The following NID2 variants were observed in gnomAD, a reference collection of about 807,000 sequenced individuals.
NID2 encodes nidogen 2, also known as nidogen-2.
In NID2, 83 loss-of-function variants were observed where a neutral mutation model predicts 145.4. The ratio of observed to expected loss-of-function variants is 0.57; its 90% CI spans 0.48 to 0.69. The LOEUF is 0.69. NID2 is among the 30% of genes least tolerant of loss of function. NID2 has a pLI of 0.00. For synonymous variants in NID2, 739 were observed against 701.3 expected, an observed-to-expected ratio of 1.05 and a Z score of -0.85; for missense variants, 1,807 against 1,765.7, an observed-to-expected ratio of 1.02 and a Z score of -0.42.
At position 52,015,212 on chromosome 14, in the gene NID2, C is replaced by G; in HGVS notation, c.3092G>C (p.Gly1031Ala). ...RWRENLLEHY[G>A]GTPRDDQYVP... is the part of the protein sequence containing the mutation. ...GTACTGGTCATCCCGGGGGGTGCCACCGTAGTGCTCCAGCAGGTTTTCCCT... is the reference window on the plus strand; with the variant it reads ...GTACTGGTCATCCCGGGGGGTGCCAGCGTAGTGCTCCAGCAGGTTTTCCCT... The change falls in exon 15 of 22, where the codon GGT (glycine) becomes GCT (alanine). Residue 1031 changes from glycine (G) to alanine (A), a missense_variant. By Grantham distance (60) the Gly-to-Ala change is moderately conservative. Coordinates refer to ENST00000216286, the MANE Select transcript of NID2 (RefSeq NM_007361.4). 1 of 1,613,780 alleles carries G rather than the reference C, an allele frequency of 6.2e-7. No individual in the cohort carries two copies. The highest frequency in any genetic ancestry group is 1.1e-5 in the South Asian group (1 of 91,068).
intron 1 of NID2, 63 bp from the exon 2 acceptor site, chr14:52,068,226 G>T (rs1893296444): frequency 2.0e-6 from 3 of 1,491,476 alleles, no homozygotes; most frequent in Middle Eastern, 1.7e-4. Context: ...ACCCTTTCGC[G>T]CAGGGAGGGA....
intron 2 of NID2, among the ~76,000 whole-genome samples, chr14:52,061,679 C>A (rs1176146130): frequency 6.6e-6 from 1 of 152,140 alleles, no homozygotes; most frequent in Admixed American, 6.5e-5. Flanking sequence ...GAATCAGCTG[C>A]CAATTCAACA....
chr14:52,010,871 C>G lies in NID2; in HGVS notation c.3722+5G>C. On this transcript the variant is annotated splice_donor_5th_base_variant and intron_variant, in intron 18 of 21. Transcript: ENST00000216286. ...TAAGAGAAGAATTAGGGAAGCCCAGCTGACCCTCGGATTGGATCCACAGCG... is the reference window on the plus strand; with the variant it reads ...TAAGAGAAGAATTAGGGAAGCCCAGGTGACCCTCGGATTGGATCCACAGCG... 1 of 1,610,742 alleles carries G rather than the reference C, an allele frequency of 6.2e-7. No homozygotes were observed. Among genetic ancestry groups the G allele is most frequent in the Non-Finnish European group, 8.5e-7 (1 of 1,178,276 alleles).
At chr14:52,068,701 G>T in intron 1 of NID2, 66 bp downstream of exon 1, 1 of 1,413,642 alleles carries the variant, frequency 7.1e-7, no homozygotes, top group Non-Finnish European at 9.8e-7. Context: ...CTGGAGGCAG[G>T]GTTTCCGTGA....
chr14:52,020,220 T>G lies in NID2; in HGVS notation c.2675-42A>C, dbSNP rs1441293065. On this transcript the variant is annotated intron_variant, in intron 12 of 21. Coordinates refer to ENST00000216286, the MANE Select transcript of NID2 (RefSeq NM_007361.4). Reference sequence around the variant, plus strand: ...CAGAAGAAAGAAGCAAAGAACACTATGACTTCACTCACACAATCTGTGCGA... The same window carrying G: ...CAGAAGAAAGAAGCAAAGAACACTAGGACTTCACTCACACAATCTGTGCGA... 2.5e-6 allele frequency: 4 copies of G among 1,610,030 alleles called. No individual in the cohort carries two copies. In the Admixed American group the frequency reaches 5.0e-5, roughly 20 times the overall value.
chr14:52,033,681 A>C (rs956450568), intron 9 of NID2, among the ~76,000 whole-genome samples: 3 of 152,200 alleles, frequency 2.0e-5, no homozygotes, highest in African/African-American at 7.2e-5. Context: ...CCAAGAGGGG[A>C]AAGAAAAAAC....
chr14:52,014,309 G>A lies in NID2; in HGVS notation c.3398C>T (p.Ala1133Val), dbSNP rs558504178. 6 of 1,614,220 alleles carry A rather than the reference G, an allele frequency of 3.7e-6. No individual in the cohort carries two copies. The South Asian group carries it at 6.6e-5, about 18-fold the overall frequency. Residue 1133 changes from alanine to valine, a missense_variant, in exon 16 of 22, where the codon GCT becomes GTT. Physicochemically the swap from Ala to Val is moderately conservative, Grantham distance 64. Transcript: ENST00000216286. ...LNGTRLQKDA[A>V]KTLLSLHGSI... ...TACATGCAGAGACAGCAGGGTCTTA[G>A]CTGCATCCTTCTGAAGCCTGGTGCC...
rs558407048 is a variant in NID2, at chr14:52,039,424, C to T, written c.2027-447G>A. Among the ~76,000 whole-genome samples the T allele has an allele frequency of 2.3e-4, 35 of 152,338 alleles. No homozygotes were observed. In the East Asian group the frequency reaches 3.3e-3, roughly 14 times the overall value. On this transcript the variant is annotated intron_variant, in intron 8 of 21. Transcript: ENST00000216286. ...CCTAAATTTTAAACCAATCCATCTT[C>T]TACATTTCACAGAAGTGACGACTTC...
At chr14:52,044,828 G>A (rs2645744) in intron 5 of NID2, among the ~76,000 whole-genome samples, 78,392 of 151,730 alleles carry the variant, frequency 0.52, 20,526 homozygotes, top group South Asian at 0.58. Context: ...GCGTTGCCCA[G>A]GTTGGTCTCG....
chr14:52,015,641 C>A (rs1356513888), intron 14 of NID2, among the ~76,000 whole-genome samples: 1 of 152,224 alleles, frequency 6.6e-6, no homozygotes, highest in African/African-American at 2.4e-5. Context: ...GCCTGTACCT[C>A]GGGCGCCTCT....
At chr14:52,026,759 T>C (rs1232955260) in intron 12 of NID2, among the ~76,000 whole-genome samples, 1 of 152,254 alleles carries the variant, frequency 6.6e-6, no homozygotes, top group Non-Finnish European at 1.5e-5. Flanking sequence ...TCTTTTTATA[T>C]ATGTGGAGTT....
chr14:52,049,067 G>GA (rs1892601250), intron 5 of NID2, among the ~76,000 whole-genome samples: 1 of 152,192 alleles, frequency 6.6e-6, no homozygotes, highest in African/African-American at 2.4e-5. Flanking sequence ...GGCACAGCAG[G>GA]AGGGTGGAGG....
chr14:52,049,969 G>A lies in NID2; in HGVS notation c.1429+3610C>T, dbSNP rs1032186004. Among the ~76,000 whole-genome samples the A allele has an allele frequency of 9.2e-5, 14 of 152,272 alleles. No individual in the cohort carries two copies. In the South Asian group the frequency reaches 2.3e-3, roughly 25 times the overall value. ...TCTTTGGCACCTGGAGGGTTGCACT[G>A]GCAGCAGAACCTGCTTAAATTCTTC... On this transcript the variant is annotated intron_variant, in intron 5 of 21. Coordinates refer to ENST00000216286, the MANE Select transcript of NID2 (RefSeq NM_007361.4).
In NID2 at chr14:52,030,597, A is replaced by AGGAAGGAAGG. The variant is rs1566755824; in HGVS notation, c.2258-908_2258-907insCCTTCCTTCC. On this transcript the variant is annotated intron_variant, in intron 9 of 21. Coordinates refer to ENST00000216286, the MANE Select transcript of NID2 (RefSeq NM_007361.4). ...GGAAGGGAAAGAAAGAAAGAAAGAA[A>AGGAAGGAAGG]GAAAGAAAGAGAAAGAAAAAGAAAG... Among the ~76,000 whole-genome samples, 5 of 99,406 alleles carry AGGAAGGAAGG rather than the reference A, an allele frequency of 5.0e-5. 1 individual carries two copies. Among genetic ancestry groups the AGGAAGGAAGG allele is most frequent in the Non-Finnish European group, 6.7e-5 (3 of 44,942 alleles). 65.2% of individuals were successfully genotyped at this position (99,406 alleles called of 152,430 possible). A position where few individuals can be genotyped will look rare whatever the true frequency, so the allele number is the denominator to read the frequency against.
chr14:52,035,978 G>A (rs1892057583), intron 9 of NID2, among the ~76,000 whole-genome samples: 1 of 149,060 alleles, frequency 6.7e-6, no homozygotes, highest in Non-Finnish European at 1.5e-5. Flanking sequence ...CAAAGTGCTG[G>A]GATTACAGGC....
At chr14:52,060,526 T>C (rs1815131308) in intron 2 of NID2, among the ~76,000 whole-genome samples, 170 bp from the exon 3 acceptor site, 1 of 152,240 alleles carries the variant, frequency 6.6e-6, no homozygotes, top group South Asian at 2.1e-4. Context: ...CTTTAAAATT[T>C]CCTCTTCAAG....
intron 5 of NID2, among the ~76,000 whole-genome samples, chr14:52,047,748 G>A (rs977148529): frequency 4.6e-5 from 7 of 152,098 alleles, no homozygotes; most frequent in Admixed American, 4.6e-4. Flanking sequence ...GGAGACTGAG[G>A]AGGAGCAGGT....
intron 2 of NID2, among the ~76,000 whole-genome samples, chr14:52,064,791 C>T (rs887834841): frequency 6.6e-6 from 1 of 152,082 alleles, no homozygotes; most frequent in Admixed American, 6.5e-5. Flanking sequence ...TCTCTTGATA[C>T]CTCATTCTCA....
chr14:52,055,561 T>C (rs939733394), intron 3 of NID2, among the ~76,000 whole-genome samples: 2 of 152,194 alleles, frequency 1.3e-5, no homozygotes, highest in Admixed American at 6.5e-5. Flanking sequence ...ATGAACTCCA[T>C]TGAGTTTCCA....
Sources: allele counts gnomAD v4.1 joint callset (sites outside exome capture counted in the v4.1 genomes callset), GRCh38; gene constraint gnomAD v4.1.1; transcripts MANE v1.5; gene names NCBI Gene and HGNC (gene_info 2026-07-23, HGNC 2026-07-21).